Variants in ABL1 observed in about 807,000 individuals in gnomAD.
ABL1 encodes the protein ABL proto-oncogene 1, non-receptor tyrosine kinase, also known as tyrosine-protein kinase ABL1.
A neutral mutation model predicts 94.7 loss-of-function variants in ABL1; 11 were observed. The observed-to-expected ratio is 0.12, with a 90% CI of 0.07 to 0.19. The LOEUF is 0.19. Ranked by LOEUF, ABL1 falls within the 10% of genes least tolerant of loss-of-function variation. The pLI, the probability that ABL1 is intolerant of heterozygous loss-of-function variation, is 1.00. For synonymous variants in ABL1, 656 were observed against 622.4 expected (o/e 1.05, Z -0.80); for missense variants, 1,082 against 1,489.4 (o/e 0.73, Z 4.50).
intron 1 of ABL1, among the ~76,000 whole-genome samples, chr9:130,839,390 G>A (rs1380442249): frequency 6.6e-6 from 1 of 152,176 alleles, no homozygotes; most frequent in Non-Finnish European, 1.5e-5. Context: ...GAGGTCATCA[G>A]ATACTTCCCT....
chr9:130,743,498 CTT>C (rs1253954356), intron 1 of ABL1, among the ~76,000 whole-genome samples: 5 of 152,200 alleles, frequency 3.3e-5, no homozygotes, highest in Non-Finnish European at 5.9e-5. Flanking sequence ...AGGTCTCTCT[CTT>C]GAGAGTGGCT....
chr9:130,810,731 G>A (rs1043166836), intron 1 of ABL1, among the ~76,000 whole-genome samples: 1 of 151,170 alleles, frequency 6.6e-6, no homozygotes, highest in African/African-American at 2.4e-5. Flanking sequence ...GAGGGTATGA[G>A]GGACCAAAAA....
intron 1 of ABL1, among the ~76,000 whole-genome samples, chr9:130,807,084 A>G (rs1019406644): frequency 2.0e-5 from 3 of 151,982 alleles, no homozygotes; most frequent in Non-Finnish European, 4.4e-5. Context: ...CGGGAGGCAG[A>G]GGTTGCAGTG....
At chr9:130,714,599 CT>C in intron 1 of ABL1, 1 of 1,117,586 alleles carries the variant, frequency 8.9e-7, no homozygotes. Context: ...CTTAGTGGAA[CT>C]TTCTTTGTAT....
intron 1 of ABL1, among the ~76,000 whole-genome samples, chr9:130,760,668 CTT>C (rs923172063): frequency 6.9e-6 from 1 of 145,502 alleles, no homozygotes. Context: ...TCCTCCCCCA[CTT>C]TTTTTTTTTT....
intron 1 of ABL1, among the ~76,000 whole-genome samples, chr9:130,849,333 T>C (rs1830821516): frequency 6.6e-6 from 1 of 152,232 alleles, no homozygotes; most frequent in Non-Finnish European, 1.5e-5. Context: ...TATAGACTTC[T>C]GGTTCATATT....
At chr9:130,733,181 CTGAT>C (rs1241870728) in intron 1 of ABL1, among the ~76,000 whole-genome samples, 1 of 152,120 alleles carries the variant, frequency 6.6e-6, no homozygotes, top group Non-Finnish European at 1.5e-5. Flanking sequence ...AATATCTAAA[CTGAT>C]TGGAACCTTC....
intron 1 of ABL1, among the ~76,000 whole-genome samples, chr9:130,728,260 G>T (rs1588212650): frequency 2.2e-5 from 2 of 90,480 alleles, no homozygotes; most frequent in Non-Finnish European, 3.6e-5. Context: ...TGGAGACGGG[G>T]TTTCATCATG....
At chr9:130,830,261 A>C (rs146233385), upstream of ABL1, among the ~76,000 whole-genome samples, 71 of 152,304 alleles carry the variant, frequency 4.7e-4, no homozygotes, top group African/African-American at 1.5e-3. Context: ...GATTTACTCT[A>C]AGGCAGTTCA....
chr9:130,853,621 G>T (rs1283821825), intron 1 of ABL1, among the ~76,000 whole-genome samples: 2 of 151,538 alleles, frequency 1.3e-5, no homozygotes, highest in Admixed American at 6.6e-5. Flanking sequence ...CACCATGTTG[G>T]TCAAGTTGGT....
chr9:130,742,020 C>A (rs957934451), intron 1 of ABL1, among the ~76,000 whole-genome samples: 1 of 152,102 alleles, frequency 6.6e-6, no homozygotes, highest in African/African-American at 2.4e-5. Context: ...CTTTACAGAG[C>A]AGTTGGGAAG....
intron 7 of ABL1, among the ~76,000 whole-genome samples, chr9:130,877,190 TG>T (rs1831360701): frequency 6.7e-6 from 1 of 148,234 alleles, no homozygotes; most frequent in Admixed American, 6.7e-5. Context: ...CTAGTCATTT[TG>T]ACATTAACTT....
At chr9:130,787,593 AG>A (rs748082115) in intron 1 of ABL1, among the ~76,000 whole-genome samples, 78 of 152,102 alleles carry the variant, frequency 5.1e-4, no homozygotes, top group Non-Finnish European at 1.0e-3. Context: ...AGAGGGGCTC[AG>A]GAAGGAGGCA....
intron 1 of ABL1, among the ~76,000 whole-genome samples, chr9:130,756,493 T>C (rs1832043113): frequency 6.6e-6 from 1 of 152,164 alleles, no homozygotes; most frequent in Admixed American, 6.5e-5. Context: ...GGTGCCTTTT[T>C]CAGCTATTTT....
chr9:130,750,433 C>T lies in ABL1; in HGVS notation c.136+35978C>T, dbSNP rs940051349. On this transcript the variant is annotated intron_variant, in intron 1 of 10. Transcript: ENST00000372348. ...CCTCCCTCCCTCCCTCCCTCCCTCC[C>T]TCCCTCCCTCCCTCCTTTCCTCACT... is the stretch of plus-strand genomic sequence containing the variant. 3.1e-3 allele frequency among the ~76,000 whole-genome samples: 89 copies of T among 28,456 alleles called. 1 individual carries two copies. Among genetic ancestry groups the T allele is most frequent in the South Asian group, 0.012 (5 of 410 alleles). 18.7% of individuals were successfully genotyped at this position (28,456 alleles called of 152,430 possible).
At chr9:130,821,408 G>A (rs1024466045) in intron 1 of ABL1, among the ~76,000 whole-genome samples, 1 of 151,680 alleles carries the variant, frequency 6.6e-6, no homozygotes, top group Non-Finnish European at 1.5e-5. Flanking sequence ...TTTTGTGACT[G>A]TTTTTTTTCC....
intron 7 of ABL1, among the ~76,000 whole-genome samples, chr9:130,877,639 CTTT>C (rs754804823): frequency 1.2e-4 from 16 of 138,410 alleles, no homozygotes; most frequent in African/African-American, 2.2e-4. Context: ...TCCTGGTCTC[CTTT>C]TTTTTTTTTT....
rs148683005 is a variant in ABL1 at position 130,881,949 on chromosome 9, G to A, written c.1678+1285G>A. Among the ~76,000 whole-genome samples, 410 of 152,010 alleles carry A rather than the reference G, an allele frequency of 2.7e-3. 6 individuals are homozygous for A. Among genetic ancestry groups the A allele is most frequent in the Admixed American group, 0.019 (287 of 15,290 alleles). On this transcript the variant is annotated intron_variant, in intron 10 of 10. Transcript: ENST00000318560. ...ATATAAAGTACGTATGTCCACTACT[G>A]TAGGAGTAGAGTGCGTATGTTATGT...
At chr9:130,735,959 A>ATTTTTTTTTT (rs1168330887) in intron 1 of ABL1, among the ~76,000 whole-genome samples, 19 of 81,724 alleles carry the variant, frequency 2.3e-4, no homozygotes, top group African/African-American at 1.5e-3. Flanking sequence ...ATATATATAT[A>ATTTTTTTTTT]TATTTTTTTT....
Sources: gnomAD v4.1 joint callset for allele counts (sites outside exome capture counted in the v4.1 genomes callset) on GRCh38, gnomAD v4.1.1 for gene constraint, MANE v1.5 for transcripts, NCBI Gene and HGNC (gene_info 2026-07-23, HGNC 2026-07-21) for gene names.